The following ATP11C variants were observed in gnomAD, a reference collection of about 807,000 sequenced individuals.
ATP11C encodes phospholipid-transporting ATPase IG.
In ATP11C, 36 loss-of-function variants were observed where a neutral mutation model predicts 97.4. The observed-to-expected ratio is 0.37, with a 90% confidence interval of 0.28 to 0.49. The LOEUF is 0.49. Ranked by LOEUF, ATP11C falls within the 20% of genes least tolerant of loss-of-function variation. The probability of loss-of-function intolerance (pLI) is 0.98; values close to 1 mark genes in which losing one functional copy is unlikely to be tolerated. For missense variants in ATP11C, 730 were observed against 824.6 expected (o/e 0.89, Z 1.40); for synonymous variants, 275 against 290.9 (o/e 0.95, Z 0.56).
upstream of ATP11C, among the ~76,000 whole-genome samples, chrX:139,933,644 A>G (rs1212646988): frequency 8.9e-6 from 1 of 111,979 alleles, no homozygotes; most frequent in Non-Finnish European, 1.9e-5. Flanking sequence ...AGACTCTTAC[A>G]CGAGTCTTCC....
upstream of ATP11C, among the ~76,000 whole-genome samples, chrX:139,936,836 C>T (rs971589374): frequency 1.9e-5 from 2 of 105,448 alleles, no homozygotes; most frequent in African/African-American, 7.4e-5. Context: ...ATCTGTGGGT[C>T]GGTCAGCAAT....
At chrX:139,733,347 G>A (rs773632476) in intron 28 of ATP11C, among the ~76,000 whole-genome samples, 1 of 111,729 alleles carries the variant, frequency 9.0e-6, no homozygotes, top group Non-Finnish European at 1.9e-5. Context: ...GAAGATGAGT[G>A]GTCAACAATG....
intron 1 of ATP11C, among the ~76,000 whole-genome samples, chrX:139,892,876 A>G (rs1013531146): frequency 1.8e-5 from 2 of 112,018 alleles, no homozygotes; most frequent in Non-Finnish European, 3.8e-5. Flanking sequence ...CAGAGAAGCC[A>G]ACAGGCTCAC....
intron 1 of ATP11C, among the ~76,000 whole-genome samples, chrX:139,890,861 A>G (rs1222797356): frequency 9.0e-6 from 1 of 110,985 alleles, no homozygotes; most frequent in Non-Finnish European, 1.9e-5. Flanking sequence ...ACCATTTTCT[A>G]TCAAGTTCTC....
chrX:139,926,997 A>C (rs1672914391), intron 1 of ATP11C, among the ~76,000 whole-genome samples: 1 of 112,414 alleles, frequency 8.9e-6, no homozygotes. Flanking sequence ...ACATCCAAAC[A>C]ACCAGAAAAT....
chrX:139,924,072 T>C (rs1020585053), intron 1 of ATP11C: 4 of 368,903 alleles, frequency 1.1e-5, no homozygotes, highest in South Asian at 2.4e-5. Context: ...AAATGAGTAT[T>C]AGGACTATGA....
chrX:139,749,001 A>G (rs1427884689), intron 24 of ATP11C, among the ~76,000 whole-genome samples: 1 of 111,775 alleles, frequency 8.9e-6, no homozygotes, highest in Non-Finnish European at 1.9e-5. Context: ...AGAGATGCAT[A>G]ATGAAATAAC....
At chrX:139,926,130 T>C (rs1175990326) in intron 1 of ATP11C, among the ~76,000 whole-genome samples, 2 of 110,711 alleles carry the variant, frequency 1.8e-5, no homozygotes, top group African/African-American at 6.6e-5. Context: ...AGAAGGTAAA[T>C]GTTAAGTGAA....
chrX:139,802,261 C>G lies in ATP11C; in HGVS notation c.634G>C (p.Glu212Gln), dbSNP rs751654828. ...TTGTAGAGGTCAGGTTGAGGCTGTT[C>G]ACATTCAATTGCTGCTCGGAGGGTA... ...IDTLRAAIEC[E>Q]QPQPDLYKFV... is the part of the protein sequence containing the mutation. Residue 212 changes from glutamate (E) to glutamine (Q), a missense_variant, in exon 7 of 30, where the codon GAA becomes CAA. Glu to Gln is a conservative substitution (Grantham distance 29). Transcript: ENST00000682941. 5 of 1,207,431 alleles carry G rather than the reference C, an allele frequency of 4.1e-6. No individual in the cohort carries two copies. The highest frequency in any genetic ancestry group is 5.6e-6 in the Non-Finnish European group (5 of 891,514).
chrX:139,735,857 C>T (rs886512168), intron 28 of ATP11C, among the ~76,000 whole-genome samples: 1 of 110,997 alleles, frequency 9.0e-6, no homozygotes, highest in African/African-American at 3.3e-5. Context: ...GTCTGAAAAA[C>T]CATCTAGCCT....
At chrX:139,926,125 G>A (rs1472515826) in intron 1 of ATP11C, among the ~76,000 whole-genome samples, 1 of 110,578 alleles carries the variant, frequency 9.0e-6, no homozygotes, top group African/African-American at 3.3e-5. Flanking sequence ...GGCCAAGAAG[G>A]TAAATGTTAA....
chrX:139,878,209 A>G, intron 1 of ATP11C, among the ~76,000 whole-genome samples: 1 of 111,923 alleles, frequency 8.9e-6, no homozygotes, highest in Non-Finnish European at 1.9e-5. Context: ...TAGGGTGATG[A>G]GTCAGCAAAT....
intron 1 of ATP11C, among the ~76,000 whole-genome samples, chrX:139,899,110 T>C (rs932160454): frequency 1.2e-4 from 13 of 111,680 alleles, no homozygotes; most frequent in Non-Finnish European, 3.8e-5. Flanking sequence ...TCCCTCAAAA[T>C]TGTCAACATC....
chrX:139,930,049 T>TA (rs2085408775), intron 1 of ATP11C, among the ~76,000 whole-genome samples: 2 of 111,946 alleles, frequency 1.8e-5, no homozygotes, highest in South Asian at 3.7e-4. Context: ...TCCTGATACT[T>TA]ACCACAGTCA....
chrX:139,754,079 G>A (rs1169625866), intron 23 of ATP11C, among the ~76,000 whole-genome samples: 1 of 110,941 alleles, frequency 9.0e-6, no homozygotes, highest in Admixed American at 9.6e-5. Flanking sequence ...TAGACCATTA[G>A]CTGGACTAAT....
intron 1 of ATP11C, among the ~76,000 whole-genome samples, chrX:139,883,177 T>C (rs764324386): frequency 1.4e-4 from 16 of 111,212 alleles, no homozygotes; most frequent in Admixed American, 2.9e-4. Context: ...TGCTTTAATC[T>C]TAGAATAGTG....
At chrX:139,782,852 G>GA (rs1462040534) in intron 17 of ATP11C, 124 bp from the exon 18 acceptor site, 8 of 479,535 alleles carry the variant, frequency 1.7e-5, no homozygotes, top group African/African-American at 1.3e-4. Flanking sequence ...TATTTAGTCT[G>GA]AAAAAATGAA....
At chrX:139,760,881 C>T (rs1047672492) in intron 22 of ATP11C, among the ~76,000 whole-genome samples, 2 of 111,935 alleles carry the variant, frequency 1.8e-5, no homozygotes, top group African/African-American at 3.2e-5. Flanking sequence ...TATACCAATA[C>T]GTACAAGGTT....
chrX:139,922,223 A>AATACATAT (rs2085272243), intron 1 of ATP11C, among the ~76,000 whole-genome samples: 1 of 43,761 alleles, frequency 2.3e-5, no homozygotes, highest in Non-Finnish European at 4.3e-5. Flanking sequence ...TCCTTCTCTA[A>AATACATAT]ATATATATAT....
Sources: allele counts gnomAD v4.1 joint callset (sites outside exome capture counted in the v4.1 genomes callset), GRCh38; gene constraint gnomAD v4.1.1; transcripts MANE v1.5; gene names NCBI Gene and HGNC (gene_info 2026-07-23, HGNC 2026-07-21).